Variants in HSPA9 observed in about 807,000 individuals in gnomAD.
HSPA9 encodes heat shock protein family A (Hsp70) member 9.
A neutral mutation model predicts 81.5 loss-of-function variants in HSPA9; 28 were observed. That is an observed-to-expected ratio of 0.34 (90% CI 0.25 to 0.47). HSPA9 has a LOEUF of 0.47. Among genes scored for constraint, HSPA9 ranks in the 20% least tolerant of loss-of-function variants. The pLI is 1.00. For missense variants in HSPA9, 678 were observed against 838.0 expected, an observed-to-expected ratio of 0.81 and a Z score of 2.36; for synonymous variants, 293 against 290.4, an observed-to-expected ratio of 1.01 and a Z score of -0.09.
intron 1 of HSPA9, chr5:138,574,954 CT>C (rs1274919255): frequency 7.2e-6 from 4 of 555,954 alleles, no homozygotes; most frequent in Non-Finnish European, 1.3e-5. Context: ...AAGGCCAAAC[CT>C]TTCCATTCAG....
In HSPA9 at chr5:138,555,613, C is replaced by T. The variant is rs1750504314; in HGVS notation, c.*424G>A. 4.2e-6 allele frequency: 1 copy of T among 237,246 alleles called. No individual in the cohort carries two copies. Among genetic ancestry groups the T allele is most frequent in the Non-Finnish European group, 8.4e-6 (1 of 119,302 alleles). The allele number at this position is 237,246 out of a possible 1,614,324, so 14.7% of individuals were successfully genotyped here. On this transcript the variant is annotated 3_prime_UTR_variant, in exon 17 of 17. Transcript: ENST00000297185. Reference sequence around the variant, plus strand: ...TCAGTTGAAGGACCCCATGTACATACAGGCCAGTACAGCAGTACTAGGCTA... The same window carrying T: ...TCAGTTGAAGGACCCCATGTACATATAGGCCAGTACAGCAGTACTAGGCTA...
At chr5:138,573,891 T>C (rs1339398555) in intron 2 of HSPA9, 41 bp from the exon 3 acceptor site, 1 of 1,490,968 alleles carries the variant, frequency 6.7e-7, no homozygotes, top group South Asian at 1.1e-5. Flanking sequence ...ATTGTTATCT[T>C]GATAGACCAA....
Position 138,575,395 on chromosome 5 carries a change from C to A in HSPA9, c.-77G>T. On this transcript the variant is annotated 5_prime_UTR_variant, in exon 1 of 17. Transcript: ENST00000297185. ...GAGCTGCGCGATGCGGTGGCGGCAG[C>A]GCTTCTGGAAACCTCCAACCACGTG... The A allele has an allele frequency of 7.7e-7, 1 of 1,302,200 alleles. No individual in the cohort carries two copies. Among genetic ancestry groups the A allele is most frequent in the Non-Finnish European group, 1.1e-6 (1 of 908,876 alleles). 80.7% of individuals were successfully genotyped at this position (1,302,200 alleles called of 1,614,324 possible).
rs1750461304 is a variant in HSPA9 at position 138,553,760 on chromosome 5, T to C, written c.*2277A>G. Among the ~76,000 whole-genome samples the C allele has an allele frequency of 6.6e-6, 1 of 152,138 alleles. No individual in the cohort carries two copies. Among genetic ancestry groups the C allele is most frequent in the South Asian group, 2.1e-4 (1 of 4,832 alleles). ...AAGAATAAAACCAATCATTTCTTTT[T>C]GCCTTTTGTGATAGTTAATTTTATG... is the stretch of plus-strand genomic sequence containing the variant. On this transcript the variant is annotated 3_prime_UTR_variant, in exon 17 of 17. Transcript: ENST00000297185.
chr5:138,566,930 G>A (rs1349352676), intron 8 of HSPA9, 71 bp downstream of exon 8: 2 of 1,496,046 alleles, frequency 1.3e-6, no homozygotes, highest in African/African-American at 2.8e-5. Flanking sequence ...CGTAAACAAA[G>A]CAAAGAGCAA....
Position 138,561,576 on chromosome 5 carries a change from A to C in HSPA9, c.1182+4T>G. 1 of 1,611,066 alleles carries C rather than the reference A, an allele frequency of 6.2e-7. No individual in the cohort carries two copies. The highest frequency in any genetic ancestry group is 8.5e-7 in the Non-Finnish European group (1 of 1,178,588). On this transcript the variant is annotated splice_donor_region_variant and intron_variant, in intron 10 of 16. Coordinates refer to ENST00000297185, the MANE Select transcript of HSPA9 (RefSeq NM_004134.7). ...CTCCACGACAGAATTCCACTGGTCC[A>C]TACCTTGGGCATCCTAGTCATGCCA...
Position 138,555,983 on chromosome 5 carries a change from C to T in HSPA9, c.*54G>A. The stretch of plus-strand genomic sequence containing the variant: ...TCGCCCATTTCTGCTCAGGAAGTCT[C>T]TTCACTCCTAAGCTTCATATGTTGT... On this transcript the variant is annotated 3_prime_UTR_variant, in exon 17 of 17. Coordinates refer to ENST00000297185, the MANE Select transcript of HSPA9 (RefSeq NM_004134.7). The T allele has an allele frequency of 7.7e-7, 1 of 1,300,524 alleles. No homozygotes were observed. The allele number at this position is 1,300,524 out of a possible 1,614,324, so 80.6% of individuals were successfully genotyped here.
chr5:138,567,309 AAAG>A lies in HSPA9; in HGVS notation c.716+143_716+145del, dbSNP rs1198905870. ...AGTTAAATTACCATGGCCCAAAAGAAAAGAAAAGAATGGTTTTGAAATGAAAAA... is the reference window on the plus strand; with the variant it reads ...AGTTAAATTACCATGGCCCAAAAGAAAAAAGAATGGTTTTGAAATGAAAAA... On this transcript the variant is annotated intron_variant, in intron 7 of 16. Transcript: ENST00000297185. 4.2e-5 allele frequency: 42 copies of A among 991,186 alleles called. No individual in the cohort carries two copies. In the East Asian group the frequency reaches 9.3e-4, roughly 22 times the overall value. 61.4% of individuals were successfully genotyped at this position (991,186 alleles called of 1,614,324 possible). A position where few individuals can be genotyped will look rare whatever the true frequency, so the allele number is the denominator to read the frequency against.
At chr5:138,575,150 C>T in intron 1 of HSPA9, 88 bp downstream of exon 1, 1 of 911,418 alleles carries the variant, frequency 1.1e-6, no homozygotes, top group Non-Finnish European at 1.8e-6. Flanking sequence ...AGAATTCAAA[C>T]CCTAAAGGGC....
chr5:138,568,968 A>G lies in HSPA9; in HGVS notation c.492T>C (p.Ser164=). Residue 164 remains serine, a synonymous_variant, in exon 5 of 17, where the codon AGT becomes AGC. Transcript: ENST00000297185. Reference sequence around the variant, plus strand: ...TCATCAACACAAATGCTCCAATCTGACTCGGAGAATACAATTTCCCATGAG... The same window carrying G: ...TCATCAACACAAATGCTCCAATCTGGCTCGGAGAATACAATTTCCCATGAG... ...VEAHGKLYSP[S]QIGAFVLMKM... 1 of 1,613,954 alleles carries G rather than the reference A, an allele frequency of 6.2e-7. No individual in the cohort carries two copies. Among genetic ancestry groups the G allele is most frequent in the Non-Finnish European group, 8.5e-7 (1 of 1,179,880 alleles).
At chr5:138,566,932 A>G in intron 8 of HSPA9, 69 bp downstream of exon 8, 3 of 1,507,746 alleles carry the variant, frequency 2.0e-6, no homozygotes, top group Non-Finnish European at 1.8e-6. Context: ...TAAACAAAGC[A>G]AAGAGCAATC....
Position 138,567,711 on chromosome 5 carries a change from C to G in HSPA9, c.547G>C (p.Gly183Arg), listed in dbSNP as rs372720662. ...KMKETAENYL[G>R]HTAKNAVITV... The stretch of plus-strand genomic sequence containing the variant: ...ATCACAGCATTTTTTGCTGTGTGCC[C>G]CAAGTAATTTTCTGGAAAAGAATGA... The change falls in exon 6 of 17, where the codon GGG becomes CGG. Residue 183 changes from glycine (G) to arginine (R), a missense_variant. This residue lies in a region of HSPA9 where 484 missense variants were observed against 647.5 expected (regional missense o/e 0.75). Transcript: ENST00000297185. 8.1e-6 allele frequency: 13 copies of G among 1,612,556 alleles called. No individual in the cohort carries two copies. The African/African-American group carries it at 1.7e-4, about 22-fold the overall frequency.
intron 12 of HSPA9, among the ~76,000 whole-genome samples, chr5:138,558,294 C>G (rs966333975): frequency 1.3e-5 from 2 of 151,784 alleles, no homozygotes; most frequent in Non-Finnish European, 2.9e-5. Flanking sequence ...CAATGCTGAT[C>G]AGAAACCAGT....
chr5:138,566,814 C>A, intron 8 of HSPA9, 96 bp from the exon 9 acceptor site: 4 of 1,116,480 alleles, frequency 3.6e-6, no homozygotes, highest in Non-Finnish European at 5.5e-6. Context: ...TGGAGTCATA[C>A]CTTTATATAT....
intron 2 of HSPA9, 26 bp downstream of exon 2, chr5:138,574,042 C>T: frequency 6.3e-7 from 1 of 1,578,310 alleles, no homozygotes; most frequent in Non-Finnish European, 8.7e-7. Context: ...TGTATTCCCT[C>T]TCAAAGGAAA....
At chr5:138,566,761 A>G in intron 8 of HSPA9, 43 bp from the exon 9 acceptor site, 2 of 1,450,296 alleles carry the variant, frequency 1.4e-6, no homozygotes, top group Non-Finnish European at 1.9e-6. Flanking sequence ...AGCATTAGTG[A>G]GGTGATAAAT....
rs542881444 is a variant in HSPA9, at chr5:138,560,162, G to A, written c.1183-71C>T. ...ACCTGAGCAGAACAAAAGGGAGCAC[G>A]TGTCCTACGCTCCCAGCCAGATCTC... On this transcript the variant is annotated intron_variant, in intron 10 of 16. Coordinates refer to ENST00000297185, the MANE Select transcript of HSPA9 (RefSeq NM_004134.7). The A allele has an allele frequency of 8.6e-6, 9 of 1,043,882 alleles. No homozygotes were observed. The East Asian group carries it at 1.3e-4, about 15-fold the overall frequency. The allele number at this position is 1,043,882 out of a possible 1,614,324, so 64.7% of individuals were successfully genotyped here.
chr5:138,559,973 T>G lies in HSPA9; in HGVS notation c.1301A>C (p.Asp434Ala). The G allele has an allele frequency of 6.2e-7, 1 of 1,614,096 alleles. No individual in the cohort carries two copies. Among genetic ancestry groups the G allele is most frequent in the South Asian group, 1.1e-5 (1 of 91,072 alleles). ...GGGAGTGACATCAAGGAGCAGCACA[T>G]CCGTGACATCGCCGGCCAACACACC... ...QGGVLAGDVT[D>A]VLLLDVTPLS... Residue 434 changes from aspartate (D) to alanine (A), a missense_variant, in exon 11 of 17, where the codon GAT (aspartate) becomes GCT (alanine). Asp to Ala is a moderately radical substitution (Grantham distance 126). This residue lies in a region of HSPA9 where 484 missense variants were observed against 647.5 expected (regional missense o/e 0.75). Coordinates refer to ENST00000297185, the MANE Select transcript of HSPA9 (RefSeq NM_004134.7).
At chr5:138,571,749 TCTC>T (rs1750898802) in intron 3 of HSPA9, among the ~76,000 whole-genome samples, 1 of 151,482 alleles carries the variant, frequency 6.6e-6, no homozygotes, top group Admixed American at 6.6e-5. Context: ...TGGGTTCAAT[TCTC>T]CTACTTCAGC....
Sources: allele counts gnomAD v4.1 joint callset (sites outside exome capture counted in the v4.1 genomes callset), GRCh38; gene constraint gnomAD v4.1.1; regional missense constraint gnomAD v4.1.1; transcripts MANE v1.5; gene names NCBI Gene and HGNC (gene_info 2026-07-23, HGNC 2026-07-21).